Variants in SMAD9 observed in about 807,000 individuals in gnomAD.
SMAD9 encodes SMAD family member 9, also known as MAD homolog 9.
In SMAD9, 36 loss-of-function variants were observed where a neutral mutation model predicts 46.1. The observed-to-expected ratio is 0.78, with a 90% CI of 0.60 to 1.03. The LOEUF is 1.03. Ranked by LOEUF, SMAD9 falls within the 50% of genes least tolerant of loss-of-function variation. The pLI, the probability that SMAD9 is intolerant of heterozygous loss-of-function variation, is 0.00. For synonymous variants in SMAD9, 245 were observed against 237.1 expected, an observed-to-expected ratio of 1.03 and a Z score of -0.31; for missense variants, 572 against 599.8, an observed-to-expected ratio of 0.95 and a Z score of 0.48.
At chr13:36,854,025 G>T (rs998286241) in intron 5 of SMAD9, among the ~76,000 whole-genome samples, 3 of 152,210 alleles carry the variant, frequency 2.0e-5, no homozygotes, top group Admixed American at 6.5e-5. Flanking sequence ...CAGGCATGGT[G>T]GTGGGCACCT....
At chr13:36,911,466 A>G (rs1393689143) in intron 1 of SMAD9, among the ~76,000 whole-genome samples, 2 of 152,202 alleles carry the variant, frequency 1.3e-5, no homozygotes, top group Non-Finnish European at 2.9e-5. Context: ...GTAATATTAT[A>G]TAGAGCATAA....
chr13:36,847,475 C>G lies in SMAD9; in HGVS notation c.*1201G>C, dbSNP rs1348245246. The G allele has an allele frequency of 6.6e-6, 1 of 152,098 alleles. No individual in the cohort carries two copies. The highest frequency in any genetic ancestry group is 1.5e-5 in the Non-Finnish European group (1 of 68,010). The allele number at this position is 152,098 out of a possible 1,614,324, so 9.4% of individuals were successfully genotyped here. On this transcript the variant is annotated 3_prime_UTR_variant, in exon 7 of 7. Coordinates refer to ENST00000379826, the MANE Select transcript of SMAD9 (RefSeq NM_001127217.3). The stretch of plus-strand genomic sequence containing the variant: ...TATTGTGTATATTTTTAAAAGATGT[C>G]TTATTATTCAGTACCACTGTTCCCC...
At chr13:36,867,509 A>G (rs1391349828) in intron 3 of SMAD9, 126 bp from the exon 4 acceptor site, 11 of 578,164 alleles carry the variant, frequency 1.9e-5, no homozygotes, top group African/African-American at 5.6e-5. Flanking sequence ...CAGAGAGACC[A>G]TATTAATGTA....
intron 5 of SMAD9, among the ~76,000 whole-genome samples, chr13:36,863,611 C>G (rs1566017720): frequency 6.6e-6 from 1 of 152,144 alleles, no homozygotes; most frequent in Non-Finnish European, 1.5e-5. Context: ...ACAGAAGGAT[C>G]TCTCATGATC....
rs369967185 is a variant in SMAD9 at position 36,853,681 on chromosome 13, G to A, written c.1004-6C>T. On this transcript the variant is annotated splice_polypyrimidine_tract_variant and splice_region_variant and intron_variant, in intron 5 of 6. Coordinates refer to ENST00000379826, the MANE Select transcript of SMAD9 (RefSeq NM_001127217.3). ...GACGTAGTACAAGTGCACACCTGCAGACACAAAAACACAGCCTTCCTTCAC... is the reference window on the plus strand; with the variant it reads ...GACGTAGTACAAGTGCACACCTGCAAACACAAAAACACAGCCTTCCTTCAC... The A allele has an allele frequency of 3.8e-5, 61 of 1,613,764 alleles. No individual in the cohort carries two copies. Among genetic ancestry groups the A allele is most frequent in the Middle Eastern group, 1.6e-4 (1 of 6,084 alleles).
chr13:36,910,411 G>T (rs138983396), intron 1 of SMAD9, among the ~76,000 whole-genome samples: 1 of 151,940 alleles, frequency 6.6e-6, no homozygotes, highest in East Asian at 1.9e-4. Context: ...TGATACACTT[G>T]TCCAAACCCA....
intron 2 of SMAD9, among the ~76,000 whole-genome samples, chr13:36,878,911 C>T (rs779811418): frequency 4.6e-5 from 7 of 152,190 alleles, no homozygotes; most frequent in Non-Finnish European, 1.0e-4. Context: ...TTCAAAATCA[C>T]ACAAAGCTTA....
chr13:36,875,933 T>C (rs978028564), intron 2 of SMAD9, among the ~76,000 whole-genome samples: 4 of 152,208 alleles, frequency 2.6e-5, no homozygotes, highest in Non-Finnish European at 4.4e-5. Flanking sequence ...TCAAAGCCAG[T>C]GGATGTTTGC....
chr13:36,918,287 T>G (rs961847809), intron 1 of SMAD9, among the ~76,000 whole-genome samples: 5 of 152,242 alleles, frequency 3.3e-5, no homozygotes, highest in Admixed American at 3.3e-4. Flanking sequence ...TGATTTTTAG[T>G]AAACACTGCA....
At chr13:36,865,387 T>C in intron 5 of SMAD9, 150 bp downstream of exon 5, 1 of 686,810 alleles carries the variant, frequency 1.5e-6, no homozygotes, top group Non-Finnish European at 2.7e-6. Context: ...TCCCCAGTGG[T>C]AATGTCAGAG....
chr13:36,852,502 C>T lies in SMAD9; in HGVS notation c.1260+917G>A, dbSNP rs968566094. 6.1e-6 allele frequency: 6 copies of T among 984,910 alleles called. No individual in the cohort carries two copies. In the African/African-American group the frequency reaches 1.0e-4, roughly 17 times the overall value. The allele number at this position is 984,910 out of a possible 1,614,324, so 61.0% of individuals were successfully genotyped here. A position where few individuals can be genotyped will look rare whatever the true frequency, so the allele number is the denominator to read the frequency against. Reference sequence around the variant, plus strand: ...CCACTAAGAAACTTCCTTGGTTCTCCAGCCTTCATAGCAACCTTAATAAGA... The same window carrying T: ...CCACTAAGAAACTTCCTTGGTTCTCTAGCCTTCATAGCAACCTTAATAAGA... On this transcript the variant is annotated intron_variant, in intron 6 of 6. Coordinates refer to ENST00000379826, the MANE Select transcript of SMAD9 (RefSeq NM_001127217.3).
At chr13:36,876,518 T>C (rs2058346836) in intron 2 of SMAD9, among the ~76,000 whole-genome samples, 1 of 152,244 alleles carries the variant, frequency 6.6e-6, no homozygotes, top group Non-Finnish European at 1.5e-5. Flanking sequence ...AGTTTACACT[T>C]GTTTAAATAA....
At chr13:36,862,688 T>C (rs1344242974) in intron 5 of SMAD9, among the ~76,000 whole-genome samples, 1 of 152,242 alleles carries the variant, frequency 6.6e-6, no homozygotes, top group Non-Finnish European at 1.5e-5. Context: ...TTTACCTCTC[T>C]AATAAACTTG....
chr13:36,903,043 AGAG>A (rs928410640), intron 1 of SMAD9, among the ~76,000 whole-genome samples: 10 of 152,090 alleles, frequency 6.6e-5, no homozygotes, highest in Non-Finnish European at 1.3e-4. Context: ...TTTCTGTCAA[AGAG>A]GAGTTTACAT....
chr13:36,915,014 A>G (rs1428249712), intron 1 of SMAD9, among the ~76,000 whole-genome samples: 3 of 152,250 alleles, frequency 2.0e-5, no homozygotes, highest in African/African-American at 7.2e-5. Flanking sequence ...GCACTTTAAC[A>G]GATGAAAAGT....
chr13:36,859,343 G>A (rs35595069), intron 5 of SMAD9, among the ~76,000 whole-genome samples: 3,247 of 152,262 alleles, frequency 0.021, 85 homozygotes, highest in South Asian at 0.12. Context: ...GAGTGACTCC[G>A]TCTTGAGTAG....
chr13:36,916,430 G>A (rs1408073699), intron 1 of SMAD9, among the ~76,000 whole-genome samples: 1 of 152,220 alleles, frequency 6.6e-6, no homozygotes, highest in Non-Finnish European at 1.5e-5. Flanking sequence ...CAACTGGGCT[G>A]AGGGGATTTC....
chr13:36,868,350 G>T (rs532218532), intron 3 of SMAD9, among the ~76,000 whole-genome samples: 1 of 152,308 alleles, frequency 6.6e-6, no homozygotes, highest in South Asian at 2.1e-4. Context: ...ATTTCCTTGT[G>T]AGAAAATGGA....
intron 1 of SMAD9, among the ~76,000 whole-genome samples, chr13:36,894,893 C>T (rs909288448): frequency 1.3e-5 from 2 of 152,148 alleles, no homozygotes; most frequent in African/African-American, 4.8e-5. Context: ...CATCTCACAC[C>T]CCAAGAACAC....
Sources: allele counts gnomAD v4.1 joint callset (sites outside exome capture counted in the v4.1 genomes callset), GRCh38; gene constraint gnomAD v4.1.1; transcripts MANE v1.5; gene names NCBI Gene and HGNC (gene_info 2026-07-23, HGNC 2026-07-21).